Variants in RPS6KC1 observed in about 807,000 individuals in gnomAD.
The protein encoded by RPS6KC1 is ribosomal protein S6 kinase C1, also known as inactive ribosomal protein S6 kinase delta-1.
RPS6KC1 carries 54 observed loss-of-function variants against 103.8 expected under a neutral mutation model. The observed-to-expected ratio is 0.52, with a 90% CI of 0.42 to 0.65. The LOEUF is 0.65. RPS6KC1 is among the 30% of genes least tolerant of loss of function. RPS6KC1 has a pLI of 0.00. For missense variants in RPS6KC1, 1,151 were observed against 1,253.8 expected (o/e 0.92, Z 1.24); for synonymous variants, 439 against 438.7 (o/e 1.00, Z -0.01).
chr1:213,785,180 A>G, the RPS6KC1 span, among the ~76,000 whole-genome samples: 1 of 152,174 alleles, frequency 6.6e-6, no homozygotes, highest in Non-Finnish European at 1.5e-5. Context: ...AATCTTATGT[A>G]TTATAGCTGT....
the RPS6KC1 span, among the ~76,000 whole-genome samples, chr1:213,853,748 G>A: frequency 6.6e-6 from 1 of 152,210 alleles, no homozygotes; most frequent in African/African-American, 2.4e-5. Flanking sequence ...TCTAGAAGGG[G>A]ATTCAGGTTG....
chr1:213,556,401 TAACAAGTAC>T, the RPS6KC1 span, among the ~76,000 whole-genome samples: 2 of 152,218 alleles, frequency 1.3e-5, no homozygotes, highest in African/African-American at 4.8e-5. Context: ...GTCTAGTACG[TAACAAGTAC>T]AGCATTAGTC....
chr1:213,249,504 AAC>A (rs2094507514), intron 12 of RPS6KC1, among the ~76,000 whole-genome samples: 1 of 152,260 alleles, frequency 6.6e-6, no homozygotes, highest in African/African-American at 2.4e-5. Context: ...CTCTCTGCCT[AAC>A]ACAGCAGCAG....
At chr1:213,229,071 G>GC (rs2094026770) in intron 8 of RPS6KC1, among the ~76,000 whole-genome samples, 1 of 152,114 alleles carries the variant, frequency 6.6e-6, no homozygotes, top group South Asian at 2.1e-4. Flanking sequence ...TATAGGAGGA[G>GC]CAGCAGGCTG....
chr1:213,151,155 T>G (rs1417143275), intron 6 of RPS6KC1, among the ~76,000 whole-genome samples: 1 of 134,008 alleles, frequency 7.5e-6, no homozygotes, highest in Non-Finnish European at 1.6e-5. Flanking sequence ...ATGGGGCGGC[T>G]GGCCGGGCGG....
the RPS6KC1 span, among the ~76,000 whole-genome samples, chr1:213,655,263 G>A: frequency 6.6e-6 from 1 of 152,096 alleles, no homozygotes; most frequent in Admixed American, 6.5e-5. Flanking sequence ...GGCTGGTCTC[G>A]AACTCCTGGC....
the RPS6KC1 span, among the ~76,000 whole-genome samples, chr1:213,667,186 A>T: frequency 6.6e-6 from 1 of 151,378 alleles, no homozygotes; most frequent in Non-Finnish European, 1.5e-5. Context: ...GTAAAATACA[A>T]AAGAAAAAAA....
chr1:213,428,234 G>A, the RPS6KC1 span, among the ~76,000 whole-genome samples: 30 of 152,286 alleles, frequency 2.0e-4, no homozygotes, highest in Admixed American at 1.1e-3. Context: ...GCCTGGACAC[G>A]CTCTCATTTT....
chr1:213,184,681 G>A (rs908668960), intron 8 of RPS6KC1, among the ~76,000 whole-genome samples: 2 of 151,978 alleles, frequency 1.3e-5, no homozygotes, highest in African/African-American at 4.8e-5. Context: ...ACAGATTTTG[G>A]TATGTTGTAT....
the RPS6KC1 span, among the ~76,000 whole-genome samples, chr1:213,774,190 A>T: frequency 1.3e-5 from 2 of 152,238 alleles, no homozygotes; most frequent in African/African-American, 4.8e-5. Flanking sequence ...TCAGCAAGTT[A>T]TCATAAGAAA....
At chr1:213,099,528 A>G (rs2081821184) in intron 3 of RPS6KC1, among the ~76,000 whole-genome samples, 1 of 152,226 alleles carries the variant, frequency 6.6e-6, no homozygotes, top group Admixed American at 6.5e-5. Flanking sequence ...ATAAGTTTAC[A>G]CACAGTTAAA....
chr1:213,599,933 G>C, the RPS6KC1 span, among the ~76,000 whole-genome samples: 1 of 152,096 alleles, frequency 6.6e-6, no homozygotes, highest in East Asian at 1.9e-4. Context: ...ATCTCACCTC[G>C]AATTGTAATC....
At position 213,232,236 on chromosome 1, in the gene RPS6KC1, T is replaced by G. The variant is rs2094121067; in HGVS notation, c.1206T>G (p.Leu402=). ...KYIISEESVF[L]VLQHAEGGKL... ...TCATCTCTGAGGAGTCAGTATTTCT[T>G]GTGCTGCAGCATGCGGAAGGTTGGT... Residue 402 remains leucine (L), a synonymous_variant, in exon 10 of 15, where the codon CTT becomes CTG. Transcript: ENST00000366960. 6.2e-7 allele frequency: 1 copy of G among 1,613,878 alleles called. No individual in the cohort carries two copies. The highest frequency in any genetic ancestry group is 8.5e-7 in the Non-Finnish European group (1 of 1,179,870).
chr1:213,860,498 A>G, the RPS6KC1 span, among the ~76,000 whole-genome samples: 2 of 152,142 alleles, frequency 1.3e-5, no homozygotes, highest in Non-Finnish European at 2.9e-5. Flanking sequence ...GAAGTAGGGT[A>G]GAGGAAACAG....
chr1:213,562,546 C>T, the RPS6KC1 span, among the ~76,000 whole-genome samples: 4 of 151,700 alleles, frequency 2.6e-5, no homozygotes, highest in South Asian at 2.1e-4. Context: ...CCGGCCACCA[C>T]GCCCGGCTAA....
chr1:213,522,446 G>C, the RPS6KC1 span, among the ~76,000 whole-genome samples: 2 of 152,184 alleles, frequency 1.3e-5, no homozygotes, highest in African/African-American at 2.4e-5. Flanking sequence ...TTCCACTTAA[G>C]GTCACCAGCT....
chr1:213,384,242 C>A, the RPS6KC1 span, among the ~76,000 whole-genome samples: 1 of 151,818 alleles, frequency 6.6e-6, no homozygotes, highest in Admixed American at 6.6e-5. Context: ...TGCCACTGCA[C>A]TCCAGCCTGA....
At chr1:213,700,197 C>T in the RPS6KC1 span, among the ~76,000 whole-genome samples, 95,459 of 151,894 alleles carry the variant, frequency 0.63, 30,542 homozygotes, top group East Asian at 0.77. Context: ...AGATTTAAGT[C>T]ATTCGTTCAT....
chr1:213,336,966 A>G, the RPS6KC1 span, among the ~76,000 whole-genome samples: 1 of 152,186 alleles, frequency 6.6e-6, no homozygotes, highest in African/African-American at 2.4e-5. Context: ...GGGTGACAGT[A>G]TCTCTCTCTA....
Sources: allele counts gnomAD v4.1 joint callset (sites outside exome capture counted in the v4.1 genomes callset), GRCh38; gene constraint gnomAD v4.1.1; transcripts MANE v1.5; gene names NCBI Gene and HGNC (gene_info 2026-07-23, HGNC 2026-07-21).